Variants in STXBP5L observed in about 807,000 individuals in gnomAD.
STXBP5L encodes the protein syntaxin-binding protein 5-like.
A neutral mutation model predicts 144.5 loss-of-function variants in STXBP5L; 65 were observed. The observed-to-expected ratio is 0.45, with a 90% CI of 0.37 to 0.55. The LOEUF (loss-of-function observed/expected upper bound fraction) is 0.55. Among genes scored for constraint, STXBP5L ranks in the 20% least tolerant of loss-of-function variants. STXBP5L has a pLI of 0.00. For missense variants in STXBP5L, 1,298 were observed against 1,405.5 expected (o/e 0.92, Z 1.22); for synonymous variants, 505 against 469.6 (o/e 1.08, Z -0.97).
At chr3:121,027,181 A>G (rs1197255438) in intron 3 of STXBP5L, among the ~76,000 whole-genome samples, 2 of 149,276 alleles carry the variant, frequency 1.3e-5, no homozygotes, top group Non-Finnish European at 2.9e-5. Context: ...CTATAAGCAC[A>G]TGATCAAAAT....
At chr3:121,314,461 GGC>G (rs1301291233) in intron 19 of STXBP5L, among the ~76,000 whole-genome samples, 3 of 143,038 alleles carry the variant, frequency 2.1e-5, no homozygotes, top group African/African-American at 5.2e-5. Context: ...CAGGCGTGGC[GGC>G]GCGCGCCTGC....
At position 121,108,685 on chromosome 3, in the gene STXBP5L, G is replaced by A. The variant is rs530168846; in HGVS notation, c.471-6240G>A. On this transcript the variant is annotated intron_variant, in intron 5 of 26. Coordinates refer to ENST00000471454, the MANE Select transcript of STXBP5L (RefSeq NM_001308330.2). ...TTGGCCTGAAGTTTCTTTTTTAGTT[G>A]TATCTCTGCCAGGTTTTGGTATCAG... Among the ~76,000 whole-genome samples the A allele has an allele frequency of 1.3e-3, 195 of 152,156 alleles. 2 individuals carry two copies. Among genetic ancestry groups the A allele is most frequent in the Middle Eastern group, 0.01 (3 of 294 alleles).
chr3:121,011,476 A>T (rs1944770084), intron 3 of STXBP5L, among the ~76,000 whole-genome samples: 1 of 151,720 alleles, frequency 6.6e-6, no homozygotes, highest in Non-Finnish European at 1.5e-5. Flanking sequence ...CAAATGGTAT[A>T]AGGACAAGTG....
At chr3:121,270,375 A>G (rs570801244) in intron 18 of STXBP5L, among the ~76,000 whole-genome samples, 1 of 152,198 alleles carries the variant, frequency 6.6e-6, no homozygotes, top group African/African-American at 2.4e-5. Context: ...TTGTCTATTC[A>G]CAGAACAGAA....
intron 17 of STXBP5L, among the ~76,000 whole-genome samples, chr3:121,258,420 AATC>A (rs2050278094): frequency 2.0e-5 from 3 of 152,334 alleles, no homozygotes; most frequent in Non-Finnish European, 4.4e-5. Context: ...ATACTTTTGT[AATC>A]ATTGATTGTC....
At chr3:121,171,159 C>G (rs546498250) in intron 9 of STXBP5L, among the ~76,000 whole-genome samples, 2 of 152,006 alleles carry the variant, frequency 1.3e-5, no homozygotes, top group Non-Finnish European at 2.9e-5. Context: ...AAATTCAACA[C>G]CCCTTCATGC....
chr3:121,166,990 GA>G (rs5852262), intron 9 of STXBP5L, among the ~76,000 whole-genome samples: 136,984 of 149,748 alleles, frequency 0.91, 62,123 homozygotes, highest in Middle Eastern at 0.98. Context: ...AAACTGTTCA[GA>G]AAAAAAACGA....
rs781077576 is a variant in STXBP5L, at chr3:121,381,385, A to G, written c.2440A>G (p.Met814Val). ...SKEAITALYFMDSFARKNDST... is the reference protein window; with the variant it reads ...SKEAITALYFVDSFARKNDST... ...AGAAGCAATTACAGCACTATACTTC[A>G]TGGACTCCTTTGCACGGAAAAATGA... is the stretch of plus-strand genomic sequence containing the variant. Residue 814 changes from methionine to valine, a missense_variant, in exon 22 of 27, where the codon ATG (methionine) becomes GTG (valine). By Grantham distance (21) the Met-to-Val change is conservative. Coordinates refer to ENST00000471454, the MANE Select transcript of STXBP5L (RefSeq NM_001308330.2). 8 of 1,611,594 alleles carry G rather than the reference A, an allele frequency of 5.0e-6. No individual in the cohort carries two copies. The highest frequency in any genetic ancestry group is 5.9e-6 in the Non-Finnish European group (7 of 1,179,034).
rs141310895 is a variant in STXBP5L, at chr3:121,363,062, G to C, written c.2177-15654G>C. ...ATACGGCCTGGAATAGGGGCCTCAA[G>C]ACTCTGACCAGTGCCCTATCCTGAT... is the stretch of plus-strand genomic sequence containing the variant. On this transcript the variant is annotated intron_variant, in intron 20 of 26. Transcript: ENST00000471454. Among the ~76,000 whole-genome samples the C allele has an allele frequency of 4.6e-5, 7 of 152,240 alleles. No homozygotes were observed. In the East Asian group the frequency reaches 1.3e-3, roughly 29 times the overall value.
At chr3:121,087,993 C>T (rs2042582834) in intron 5 of STXBP5L, among the ~76,000 whole-genome samples, 1 of 151,830 alleles carries the variant, frequency 6.6e-6, no homozygotes, top group Non-Finnish European at 1.5e-5. Context: ...ATTGTTTTTC[C>T]CTATATATAT....
chr3:121,161,696 T>C (rs535915147), intron 9 of STXBP5L, among the ~76,000 whole-genome samples: 53 of 152,086 alleles, frequency 3.5e-4, no homozygotes, highest in Admixed American at 7.9e-4. Flanking sequence ...CAAATATGTA[T>C]TTATGGTTTC....
chr3:121,100,128 TAGAC>T (rs1174822723), intron 5 of STXBP5L, among the ~76,000 whole-genome samples: 3 of 152,172 alleles, frequency 2.0e-5, no homozygotes, highest in Non-Finnish European at 2.9e-5. Context: ...TAAAAAGACT[TAGAC>T]AGCTACACAA....
chr3:121,130,532 T>C (rs1464309261), intron 7 of STXBP5L, among the ~76,000 whole-genome samples: 1 of 152,068 alleles, frequency 6.6e-6, no homozygotes, highest in African/African-American at 2.4e-5. Context: ...AGGAAATACC[T>C]AAAACCAATT....
chr3:121,283,115 G>T (rs972839867), intron 19 of STXBP5L, among the ~76,000 whole-genome samples: 1 of 151,768 alleles, frequency 6.6e-6, no homozygotes, highest in Non-Finnish European at 1.5e-5. Flanking sequence ...TAAAAAGCAG[G>T]TTGTTTAACA....
chr3:121,006,309 G>A (rs1414267030), intron 3 of STXBP5L, among the ~76,000 whole-genome samples: 6 of 152,092 alleles, frequency 3.9e-5, no homozygotes, highest in Admixed American at 3.9e-4. Context: ...TTATGTAATG[G>A]CCTTCTTTGT....
intron 5 of STXBP5L, among the ~76,000 whole-genome samples, chr3:121,090,969 C>G (rs920299978): frequency 7.1e-6 from 1 of 140,344 alleles, no homozygotes; most frequent in Non-Finnish European, 1.5e-5. Flanking sequence ...TGATGTTCCC[C>G]TTCCTGTGTC....
intron 3 of STXBP5L, among the ~76,000 whole-genome samples, chr3:121,019,547 G>T (rs1216885342): frequency 2.6e-5 from 4 of 152,122 alleles, no homozygotes; most frequent in Non-Finnish European, 5.9e-5. Context: ...ACTGGAGCAG[G>T]TCCTGGTATC....
chr3:121,145,322 A>G (rs1247605704), intron 7 of STXBP5L, among the ~76,000 whole-genome samples: 1 of 151,694 alleles, frequency 6.6e-6, no homozygotes, highest in Non-Finnish European at 1.5e-5. Context: ...ATCCATCAAT[A>G]TAATTTATAT....
At chr3:121,403,025 T>A (rs1474839589) in intron 22 of STXBP5L, among the ~76,000 whole-genome samples, 1 of 152,126 alleles carries the variant, frequency 6.6e-6, no homozygotes, top group Non-Finnish European at 1.5e-5. Flanking sequence ...TCTCTTTAAA[T>A]CTCCAAAACT....
Sources: gnomAD v4.1 joint callset for allele counts (sites outside exome capture counted in the v4.1 genomes callset) on GRCh38, gnomAD v4.1.1 for gene constraint, MANE v1.5 for transcripts, NCBI Gene and HGNC (gene_info 2026-07-23, HGNC 2026-07-21) for gene names.